KIAA0753: variants seen among roughly 807,000 people sequenced by gnomAD.
KIAA0753 encodes the protein KIAA0753, also known as protein moonraker.
KIAA0753 carries 114 observed loss-of-function variants against 116.9 expected under a neutral mutation model. The ratio of observed to expected loss-of-function variants is 0.98; its 90% CI spans 0.84 to 1.14. KIAA0753 has a LOEUF of 1.14. Ranked by LOEUF, KIAA0753 falls within the 50% of genes most tolerant of loss-of-function variation. The probability of loss-of-function intolerance (pLI) is 0.00; values close to 1 mark genes in which losing one functional copy is unlikely to be tolerated. For missense variants in KIAA0753, 1,156 were observed against 1,172.4 expected, an observed-to-expected ratio of 0.99 and a Z score of 0.20; for synonymous variants, 405 against 413.1, an observed-to-expected ratio of 0.98 and a Z score of 0.24.
intron 8 of KIAA0753, among the ~76,000 whole-genome samples, 196 bp from the exon 9 acceptor site, chr17:6,610,356 T>A (rs1176119633): frequency 6.9e-6 from 1 of 144,258 alleles, no homozygotes; most frequent in Non-Finnish European, 1.5e-5. Flanking sequence ...GGGCGGGGGG[T>A]GGAGGGTGTA....
At chr17:6,630,145 T>A (rs1971934674) in intron 2 of KIAA0753, among the ~76,000 whole-genome samples, 1 of 151,352 alleles carries the variant, frequency 6.6e-6, no homozygotes, top group Non-Finnish European at 1.5e-5. Flanking sequence ...ATTATAATAA[T>A]AATTATTGAA....
At chr17:6,634,802 AT>A (rs1972211192) in intron 2 of KIAA0753, 1 of 504,114 alleles carries the variant, frequency 2.0e-6, no homozygotes, top group Non-Finnish European at 3.6e-6. Context: ...ATTCTCAAAT[AT>A]TTAGAAGTAT....
intron 3 of KIAA0753, among the ~76,000 whole-genome samples, chr17:6,625,887 A>G (rs1412526707): frequency 6.6e-6 from 1 of 152,068 alleles, no homozygotes; most frequent in African/African-American, 2.4e-5. Flanking sequence ...TCTTTAGTAG[A>G]GACAAGGTTT....
At chr17:6,626,423 C>A (rs1231124585) in intron 3 of KIAA0753, among the ~76,000 whole-genome samples, 1 of 152,204 alleles carries the variant, frequency 6.6e-6, no homozygotes, top group Non-Finnish European at 1.5e-5. Flanking sequence ...GATACAGATG[C>A]AGTCTCAAGA....
In KIAA0753 at chr17:6,611,978, G is replaced by A; in HGVS notation, c.1486C>T (p.Pro496Ser). Residue 496 changes from proline (P) to serine (S), a missense_variant, in exon 8 of 19, where the codon CCT becomes TCT. Pro to Ser is a moderately conservative substitution (Grantham distance 74, BLOSUM62 -1). Transcript: ENST00000361413. ...CTAAACGGCACATTCTCAGTCACAG[G>A]CTTCTTTTTCCCTGCTTTTGTTTTT... ...VAKTKAGKKK[P>S]VTENVPFRKK... is the part of the protein sequence containing the mutation. 6.2e-7 allele frequency: 1 copy of A among 1,614,112 alleles called. No individual in the cohort carries two copies. Among genetic ancestry groups the A allele is most frequent in the African/African-American group, 1.3e-5 (1 of 75,020 alleles).
chr17:6,607,070 T>G, intron 11 of KIAA0753, 108 bp from the exon 12 acceptor site: 1 of 1,390,546 alleles, frequency 7.2e-7, no homozygotes. Flanking sequence ...ACTTCAGTCT[T>G]TTAAGGAGGC....
chr17:6,616,487 G>C (rs1337488746), intron 7 of KIAA0753, among the ~76,000 whole-genome samples: 3 of 152,180 alleles, frequency 2.0e-5, no homozygotes, highest in African/African-American at 7.2e-5. Context: ...AACTAAGTCA[G>C]TCACAAAACA....
At chr17:6,616,466 C>T (rs1970940513) in intron 7 of KIAA0753, among the ~76,000 whole-genome samples, 1 of 152,134 alleles carries the variant, frequency 6.6e-6, no homozygotes, top group African/African-American at 2.4e-5. Context: ...AGATAATTTG[C>T]CACTTACAAC....
intron 7 of KIAA0753, 49 bp from the exon 8 acceptor site, chr17:6,612,197 C>T (rs933752508): frequency 2.2e-6 from 3 of 1,370,138 alleles, no homozygotes; most frequent in Non-Finnish European, 3.1e-6. Flanking sequence ...CTATTCAAAT[C>T]AAATTGCTGA....
intron 3 of KIAA0753, among the ~76,000 whole-genome samples, chr17:6,625,087 T>A (rs1215793255): frequency 6.6e-6 from 1 of 152,192 alleles, no homozygotes; most frequent in African/African-American, 2.4e-5. Flanking sequence ...AGACATTTAC[T>A]CCATCAAGCT....
chr17:6,608,580 AC>A (rs1970337191), intron 9 of KIAA0753, 116 bp from the exon 10 acceptor site: 3 of 487,620 alleles, frequency 6.2e-6, no homozygotes. Flanking sequence ...GATCTGTAGC[AC>A]GGGGCCCTAC....
intron 4 of KIAA0753, among the ~76,000 whole-genome samples, chr17:6,624,554 A>ACGCACACACACACACG (rs112439852): frequency 1.3e-5 from 2 of 151,866 alleles, no homozygotes; most frequent in African/African-American, 4.8e-5. Flanking sequence ...ACACACACAC[A>ACGCACACACACACACG]CACACACACA....
Position 6,588,622 on chromosome 17 carries a change from T to G in KIAA0753, c.2786+1157A>C, listed in dbSNP as rs147517307. On this transcript the variant is annotated intron_variant, in intron 18 of 18. Transcript: ENST00000361413. ...ACAAATATATAAAATAACTAGCAAA[T>G]AAAAAGAAATGTAATCATAGTACAC... Among the ~76,000 whole-genome samples, 43 of 152,076 alleles carry G rather than the reference T, an allele frequency of 2.8e-4. No homozygotes were observed. In the East Asian group the frequency reaches 8.3e-3, roughly 29 times the overall value.
intron 2 of KIAA0753, among the ~76,000 whole-genome samples, chr17:6,631,725 A>C (rs1459031854): frequency 6.6e-6 from 1 of 152,190 alleles, no homozygotes; most frequent in Non-Finnish European, 1.5e-5. Flanking sequence ...CTGTCCTCTG[A>C]GAGGGCCTAA....
chr17:6,628,638 T>C lies in KIAA0753; in HGVS notation c.197A>G (p.Tyr66Cys). 1 of 1,614,198 alleles carries C rather than the reference T, an allele frequency of 6.2e-7. No individual in the cohort carries two copies. The highest frequency in any genetic ancestry group is 1.1e-5 in the South Asian group (1 of 91,084). Residue 66 changes from tyrosine to cysteine, a missense_variant, in exon 3 of 19, where the codon TAC (tyrosine) becomes TGC (cysteine). By Grantham distance (194) the Tyr-to-Cys change is radical. Coordinates refer to ENST00000361413, the MANE Select transcript of KIAA0753 (RefSeq NM_014804.3). ...ATCTTTACAATGGTATGATTCATTG[T>C]ATGAGTGCTTCAGTTTTTCAATTCT... is the stretch of plus-strand genomic sequence containing the variant. ...AIRIEKLKHS[Y>C]NESYHCKDAD...
At chr17:6,586,533 C>A (rs1024678640) in intron 18 of KIAA0753, among the ~76,000 whole-genome samples, 2 of 152,152 alleles carry the variant, frequency 1.3e-5, no homozygotes, top group Non-Finnish European at 2.9e-5. Flanking sequence ...TTCTTGTTTG[C>A]TGTCATTGAT....
rs1260934546 is a variant in KIAA0753, at chr17:6,578,898, CATCT to C, written c.*845_*848del. 1 of 151,862 alleles carries C rather than the reference CATCT, an allele frequency of 6.6e-6. No homozygotes were observed. Among genetic ancestry groups the C allele is most frequent in the Non-Finnish European group, 1.5e-5 (1 of 67,898 alleles). The allele number at this position is 151,862 out of a possible 1,614,324, so 9.4% of individuals were successfully genotyped here. On this transcript the variant is annotated 3_prime_UTR_variant, in exon 19 of 19. Transcript: ENST00000361413. ...GAGACACAGAGGTCTTCGCGCCATCCATCTGTTCCCTACTCCCACTTGGGTTCCT... is the reference window on the plus strand; with the variant it reads ...GAGACACAGAGGTCTTCGCGCCATCCGTTCCCTACTCCCACTTGGGTTCCT...
chr17:6,590,676 G>T lies in KIAA0753; in HGVS notation c.2441-46C>A, dbSNP rs1475607075. 1.9e-6 allele frequency: 3 copies of T among 1,608,122 alleles called. No homozygotes were observed. In the African/African-American group the frequency reaches 4.0e-5, roughly 22 times the overall value. On this transcript the variant is annotated intron_variant, in intron 16 of 18. Coordinates refer to ENST00000361413, the MANE Select transcript of KIAA0753 (RefSeq NM_014804.3). ...AATGACTGCATATAAAGAACAGTTG[G>T]TGTCCATTTTAGAGCTGTTCTAGTG...
chr17:6,624,286 A>G (rs10521151), intron 4 of KIAA0753, among the ~76,000 whole-genome samples: 18,063 of 152,108 alleles, frequency 0.12, 1,666 homozygotes, highest in East Asian at 0.37. Flanking sequence ...TTACCAAATT[A>G]TTTACTATTA....
Sources: gnomAD v4.1 joint callset for allele counts (sites outside exome capture counted in the v4.1 genomes callset) on GRCh38, gnomAD v4.1.1 for gene constraint, MANE v1.5 for transcripts, NCBI Gene and HGNC (gene_info 2026-07-23, HGNC 2026-07-21) for gene names.